EXOC6B: variants seen among roughly 807,000 people sequenced by gnomAD.
The protein encoded by EXOC6B is SEC15 homolog B.
A neutral mutation model predicts 113.5 loss-of-function variants in EXOC6B; 54 were observed. The observed-to-expected ratio is 0.48, with a 90% CI of 0.38 to 0.60. The LOEUF (loss-of-function observed/expected upper bound fraction) is 0.60. EXOC6B is among the 20% of genes least tolerant of loss of function. The probability of loss-of-function intolerance (pLI) is 0.00; values close to 1 mark genes in which losing one functional copy is unlikely to be tolerated. For missense variants in EXOC6B, 797 were observed against 977.5 expected, an observed-to-expected ratio of 0.82 and a Z score of 2.46; for synonymous variants, 357 against 339.0, an observed-to-expected ratio of 1.05 and a Z score of -0.58.
intron 6 of EXOC6B, among the ~76,000 whole-genome samples, chr2:72,700,372 A>G (rs1258695762): frequency 6.6e-6 from 1 of 152,194 alleles, no homozygotes; most frequent in African/African-American, 2.4e-5. Context: ...AAATTGAAGA[A>G]CAGAAAAATC....
intron 16 of EXOC6B, among the ~76,000 whole-genome samples, chr2:72,486,750 T>G (rs1040411338): frequency 1.3e-5 from 2 of 152,168 alleles, no homozygotes; most frequent in Non-Finnish European, 2.9e-5. Context: ...TAAACTCTCT[T>G]ACTTAAGGAC....
At chr2:72,512,258 T>C (rs1700944795) in intron 11 of EXOC6B, among the ~76,000 whole-genome samples, 1 of 151,786 alleles carries the variant, frequency 6.6e-6, no homozygotes, top group Non-Finnish European at 1.5e-5. Flanking sequence ...AAAGACTATC[T>C]ATCTTGTTCA....
intron 1 of EXOC6B, 35 bp from the exon 2 acceptor site, chr2:72,741,504 G>C: frequency 6.4e-7 from 1 of 1,567,896 alleles, no homozygotes. Context: ...TTATACCATG[G>C]TTACTTCTAA....
chr2:72,341,385 C>T (rs944031893), intron 19 of EXOC6B, among the ~76,000 whole-genome samples: 2 of 152,038 alleles, frequency 1.3e-5, no homozygotes, highest in Admixed American at 6.6e-5. Flanking sequence ...ACAATAGACT[C>T]GTGTTAGCCT....
chr2:72,668,788 G>C (rs1215277359), intron 6 of EXOC6B, among the ~76,000 whole-genome samples: 1 of 152,172 alleles, frequency 6.6e-6, no homozygotes, highest in Non-Finnish European at 1.5e-5. Flanking sequence ...AATGATAGGG[G>C]CAAGGGCTGA....
chr2:72,204,987 T>C (rs1288009481), intron 20 of EXOC6B, among the ~76,000 whole-genome samples: 1 of 152,162 alleles, frequency 6.6e-6, no homozygotes, highest in Admixed American at 6.5e-5. Context: ...GCTGAGGTGC[T>C]CCTGGTCCCA....
At chr2:72,345,892 A>C (rs1432316964) in intron 19 of EXOC6B, among the ~76,000 whole-genome samples, 1 of 152,162 alleles carries the variant, frequency 6.6e-6, no homozygotes, top group East Asian at 1.9e-4. Flanking sequence ...ACTCTCGTGC[A>C]GGGTGTTGAT....
intron 6 of EXOC6B, among the ~76,000 whole-genome samples, chr2:72,624,239 A>C (rs1250072773): frequency 6.6e-6 from 1 of 151,786 alleles, no homozygotes. Flanking sequence ...ATCAACTAGC[A>C]TGCACCACCA....
rs1051239244 is a variant in EXOC6B, at chr2:72,501,841, C to T, written c.1168-1869G>A. 7.3e-5 allele frequency among the ~76,000 whole-genome samples: 11 copies of T among 151,304 alleles called. No individual in the cohort carries two copies. The East Asian group carries it at 2.1e-3, about 30-fold the overall frequency. On this transcript the variant is annotated intron_variant, in intron 11 of 21. Transcript: ENST00000272427. ...GTGGCAGGATCATAGCTCACTGCAG[C>T]CTTGACCCCCTGGGTTCAAGCAATC... is the stretch of plus-strand genomic sequence containing the variant.
At chr2:72,401,550 T>TAC (rs1693221335) in intron 18 of EXOC6B, among the ~76,000 whole-genome samples, 1 of 21,996 alleles carries the variant, frequency 4.5e-5, no homozygotes, top group Non-Finnish European at 7.0e-5. Context: ...TATATGTGTA[T>TAC]ATATATATAT....
intron 20 of EXOC6B, among the ~76,000 whole-genome samples, chr2:72,188,083 A>G (rs578125024): frequency 1.3e-5 from 2 of 151,888 alleles, no homozygotes; most frequent in South Asian, 2.1e-4. Flanking sequence ...TGCCTGCTCC[A>G]TGGAGCAGGA....
intron 19 of EXOC6B, among the ~76,000 whole-genome samples, chr2:72,372,382 C>T (rs375297050): frequency 1.2e-4 from 19 of 152,118 alleles, no homozygotes; most frequent in African/African-American, 4.6e-4. Context: ...GCAAAAAGAA[C>T]AGAACTGGAG....
intron 1 of EXOC6B, among the ~76,000 whole-genome samples, chr2:72,811,764 T>A (rs1287844898): frequency 3.9e-5 from 6 of 152,140 alleles, no homozygotes; most frequent in Non-Finnish European, 8.8e-5. Flanking sequence ...TCATTCAATG[T>A]TCAAAACAGA....
At chr2:72,672,621 T>C (rs1047540387) in intron 6 of EXOC6B, among the ~76,000 whole-genome samples, 1 of 151,454 alleles carries the variant, frequency 6.6e-6, no homozygotes, top group Non-Finnish European at 1.5e-5. Context: ...GGAATACTAC[T>C]CATCCATAAG....
In EXOC6B at chr2:72,274,949, A is replaced by C. The variant is rs1684723439; in HGVS notation, c.2196+59998T>G. Reference sequence around the variant, plus strand: ...ACATAATTAGAGGGAATAGATAAGAAGACAGAGGCAACAGAATGATGCAGA... The same window carrying C: ...ACATAATTAGAGGGAATAGATAAGACGACAGAGGCAACAGAATGATGCAGA... On this transcript the variant is annotated intron_variant, in intron 20 of 21. Coordinates refer to ENST00000272427, the MANE Select transcript of EXOC6B (RefSeq NM_015189.3). 3.3e-5 allele frequency among the ~76,000 whole-genome samples: 5 copies of C among 152,166 alleles called. No homozygotes were observed. The South Asian group carries it at 1.0e-3, about 31-fold the overall frequency.
At chr2:72,184,335 A>C in intron 20 of EXOC6B, 148 bp from the exon 21 acceptor site, 1 of 545,974 alleles carries the variant, frequency 1.8e-6, no homozygotes, top group Non-Finnish European at 3.3e-6. Context: ...GCTGCAGACT[A>C]TTCTTTCAAC....
At chr2:72,510,625 AGTTT>A (rs1700844091) in intron 11 of EXOC6B, among the ~76,000 whole-genome samples, 1 of 151,596 alleles carries the variant, frequency 6.6e-6, no homozygotes, top group African/African-American at 2.4e-5. Flanking sequence ...TATATTGTAT[AGTTT>A]ATTTATATAT....
intron 18 of EXOC6B, among the ~76,000 whole-genome samples, chr2:72,431,670 T>G (rs1695542054): frequency 6.6e-6 from 1 of 152,156 alleles, no homozygotes; most frequent in Non-Finnish European, 1.5e-5. Flanking sequence ...TATTCTACTT[T>G]CAGTTCTGGG....
intron 19 of EXOC6B, among the ~76,000 whole-genome samples, chr2:72,366,809 A>T (rs112962492): frequency 3.4e-4 from 52 of 152,018 alleles, no homozygotes; most frequent in Non-Finnish European, 6.0e-4. Flanking sequence ...AAAAAACCCT[A>T]TTAACCTAGA....
Sources: allele counts gnomAD v4.1 joint callset (sites outside exome capture counted in the v4.1 genomes callset), GRCh38; gene constraint gnomAD v4.1.1; transcripts MANE v1.5; gene names NCBI Gene and HGNC (gene_info 2026-07-23, HGNC 2026-07-21).